Variants in GLTP observed in about 807,000 individuals in gnomAD.
GLTP encodes glycolipid transfer protein.
GLTP carries 22 observed loss-of-function variants against 24.0 expected under a neutral mutation model. That is an observed-to-expected ratio of 0.92 (90% CI 0.65 to 1.31). The LOEUF (loss-of-function observed/expected upper bound fraction) is 1.31. GLTP is among the 50% of genes most tolerant of loss of function. The pLI is 0.00. For missense variants in GLTP, 224 were observed against 276.6 expected (o/e 0.81, Z 1.35); for synonymous variants, 92 against 115.9 (o/e 0.79, Z 1.33).
Position 109,870,542 on chromosome 12 carries a change from TATC to T in GLTP, c.103+9727_103+9729del, listed in dbSNP as rs1275100588. 2.6e-5 allele frequency among the ~76,000 whole-genome samples: 4 copies of T among 152,260 alleles called. No individual in the cohort carries two copies. In the Middle Eastern group the frequency reaches 0.01, roughly 388 times the overall value. On this transcript the variant is annotated intron_variant, in intron 1 of 4. Transcript: ENST00000318348. Reference sequence around the variant, plus strand: ...CATTTATGCTTATTATTATAAATTATATCATCATCACCTTTCCCAACAGACAAA... The same window carrying T: ...CATTTATGCTTATTATTATAAATTATATCATCACCTTTCCCAACAGACAAA...
At chr12:109,872,607 C>T (rs895132795) in intron 1 of GLTP, among the ~76,000 whole-genome samples, 5 of 152,198 alleles carry the variant, frequency 3.3e-5, no homozygotes, top group Middle Eastern at 3.2e-3. Flanking sequence ...TGGGACCCAC[C>T]AGCACGGCAC....
chr12:109,861,464 C>T (rs1480780510), intron 1 of GLTP, among the ~76,000 whole-genome samples: 2 of 152,050 alleles, frequency 1.3e-5, no homozygotes, highest in African/African-American at 4.8e-5. Context: ...AAATAAGGCA[C>T]CGAGGCCAGG....
intron 1 of GLTP, among the ~76,000 whole-genome samples, chr12:109,878,525 A>G (rs1351826411): frequency 1.3e-5 from 2 of 151,516 alleles, no homozygotes; most frequent in Non-Finnish European, 2.9e-5. Context: ...ACTGGCTTAA[A>G]TGGATTCTGA....
intron 1 of GLTP, among the ~76,000 whole-genome samples, chr12:109,868,348 G>A (rs1453700108): frequency 1.3e-5 from 2 of 152,142 alleles, no homozygotes; most frequent in East Asian, 3.9e-4. Context: ...GAGTTGGACA[G>A]TACTGGTCGT....
intron 1 of GLTP, among the ~76,000 whole-genome samples, chr12:109,865,845 C>G (rs1868510511): frequency 6.6e-6 from 1 of 152,212 alleles, no homozygotes; most frequent in Non-Finnish European, 1.5e-5. Context: ...TTATCTGGAA[C>G]AGCTGGCAAA....
intron 1 of GLTP, among the ~76,000 whole-genome samples, chr12:109,861,832 A>G (rs1385519203): frequency 1.3e-5 from 2 of 152,106 alleles, no homozygotes; most frequent in African/African-American, 4.8e-5. Flanking sequence ...CATTTTTATG[A>G]CCTCATATCA....
intron 1 of GLTP, among the ~76,000 whole-genome samples, chr12:109,867,864 G>A (rs1437992749): frequency 6.7e-6 from 1 of 149,758 alleles, no homozygotes; most frequent in Non-Finnish European, 1.5e-5. Flanking sequence ...TGCAAGCTCC[G>A]CCTTCTGGGT....
intron 1 of GLTP, among the ~76,000 whole-genome samples, chr12:109,864,609 C>T (rs1482865121): frequency 6.6e-6 from 1 of 152,170 alleles, no homozygotes; most frequent in Non-Finnish European, 1.5e-5. Flanking sequence ...CACAGAAAAG[C>T]CAAATGACTT....
At chr12:109,874,964 T>C (rs946068302) in intron 1 of GLTP, among the ~76,000 whole-genome samples, 1 of 152,072 alleles carries the variant, frequency 6.6e-6, no homozygotes, top group African/African-American at 2.4e-5. Context: ...AGTTTCTCCA[T>C]GTTGGTCAGG....
At chr12:109,863,962 A>G (rs2136045673) in intron 1 of GLTP, among the ~76,000 whole-genome samples, 1 of 152,376 alleles carries the variant, frequency 6.6e-6, no homozygotes, top group African/African-American at 2.4e-5. Flanking sequence ...AGTTCTGAGC[A>G]GCCCTGCCCT....
intron 1 of GLTP, among the ~76,000 whole-genome samples, chr12:109,876,533 G>A (rs565097439): frequency 7.2e-6 from 1 of 138,294 alleles, no homozygotes; most frequent in Non-Finnish European, 1.5e-5. Flanking sequence ...AGGGAGGGAA[G>A]AAAGGAAGAA....
Position 109,858,683 on chromosome 12 carries a change from C to T in GLTP, c.162G>A (p.Thr54=), listed in dbSNP as rs755066428. The T allele has an allele frequency of 5.6e-6, 9 of 1,611,454 alleles. No individual in the cohort carries two copies. The highest frequency in any genetic ancestry group is 3.3e-5 in the Admixed American group (2 of 59,990). The part of the protein sequence containing the change: ...PIKADISGNI[T]KIKAVYDTNP... ...TGTGGCTGCCCGGCCAGGTACATAC[C>T]GTGATGTTGCCGCTTATGTCTGCCT... The change falls in exon 2 of 5, where the codon ACG becomes ACA. Residue 54 remains threonine (T), a splice_region_variant and synonymous_variant. Transcript: ENST00000318348.
chr12:109,880,209 GGGGAAGGAGGATTCGGGTGCGCGT>G lies in GLTP; in HGVS notation c.103+39_103+62del. On this transcript the variant is annotated intron_variant, in intron 1 of 4. Transcript: ENST00000318348. This position sits in a 1 kb window ranked among gnomAD's most constrained non-coding sequence, Gnocchi z 5.1. ...GGCAGAGATGGTTAGGGGATGCTCG[GGGGAAGGAGGATTCGGGTGCGCGT>G]GGGGCTGCGGGCCGCCTCCCCCCTC... 1.0e-6 allele frequency: 1 copy of G among 971,180 alleles called. No individual in the cohort carries two copies. Among genetic ancestry groups the G allele is most frequent in the Non-Finnish European group, 1.6e-6 (1 of 626,388 alleles). 60.2% of individuals were successfully genotyped at this position (971,180 alleles called of 1,614,324 possible).
chr12:109,855,640 C>T lies in GLTP; in HGVS notation c.426G>A (p.Trp142Ter). ...TCACCTGGAAGATCTTCTGCACGAT[C>T]CAGCCATGGTACTTCTTGAGGGCCA... Reference protein sequence around the residue: ...YEMALKKYHGWIVQKIFQAAL... With the variant: ...YEMALKKYHG Residue 142 changes from tryptophan to a stop codon, truncating the protein, a stop_gained, in exon 4 of 5, where the codon TGG (tryptophan) becomes TGA (stop). Coordinates refer to ENST00000318348, the MANE Select transcript of GLTP (RefSeq NM_016433.4). LOFTEE classifies it high-confidence loss of function. This position sits in a 1 kb window ranked among gnomAD's most constrained non-coding sequence, Gnocchi z 4.1. The T allele has an allele frequency of 1.3e-6, 2 of 1,581,696 alleles. No individual in the cohort carries two copies. The highest frequency in any genetic ancestry group is 1.7e-6 in the Non-Finnish European group (2 of 1,163,878).
chr12:109,858,902 C>G (rs886606786), intron 1 of GLTP, among the ~76,000 whole-genome samples, 161 bp from the exon 2 acceptor site: 1 of 152,132 alleles, frequency 6.6e-6, no homozygotes, highest in African/African-American at 2.4e-5. Context: ...TGGGTGCAGC[C>G]CCCAGCTCTG....
At chr12:109,868,532 T>C (rs1385824340) in intron 1 of GLTP, among the ~76,000 whole-genome samples, 4 of 151,970 alleles carry the variant, frequency 2.6e-5, no homozygotes, top group South Asian at 2.1e-4. Context: ...TCAAGAACAA[T>C]GTTCAGGGAA....
intron 1 of GLTP, among the ~76,000 whole-genome samples, chr12:109,879,231 C>T (rs1721148325): frequency 6.6e-6 from 1 of 152,156 alleles, no homozygotes; most frequent in Admixed American, 6.5e-5. Context: ...TGGACTCTGC[C>T]CTGGGGGCTG....
At chr12:109,856,084 G>A (rs143447798) in intron 3 of GLTP, among the ~76,000 whole-genome samples, 1 of 152,180 alleles carries the variant, frequency 6.6e-6, no homozygotes, top group African/African-American at 2.4e-5. Context: ...CCCACAGGCT[G>A]GAACATGGTA....
At position 109,880,283 on chromosome 12, in the gene GLTP, G is replaced by C; in HGVS notation, c.92C>G (p.Pro31Arg). ...CCATTCCGGCTCACCGAAGAAGGGC[G>C]GCAGGTGGGACACCGCCTCGAGGAA... ...GPFLEAVSHL[P>R]PFFDCLGSPV... The change falls in exon 1 of 5, where the codon CCG becomes CGG. Residue 31 changes from proline (P) to arginine (R), a missense_variant. Transcript: ENST00000318348. The surrounding 1 kb of genome is among the most constrained non-coding windows in gnomAD (Gnocchi z 5.1). 2 of 1,596,572 alleles carry C rather than the reference G, an allele frequency of 1.3e-6. No homozygotes were observed. Among genetic ancestry groups the C allele is most frequent in the Non-Finnish European group, 1.7e-6 (2 of 1,169,770 alleles).
Sources: allele counts gnomAD v4.1 joint callset (sites outside exome capture counted in the v4.1 genomes callset), GRCh38; gene constraint gnomAD v4.1.1; non-coding constraint Gnocchi (gnomAD v3.1); transcripts MANE v1.5; gene names NCBI Gene and HGNC (gene_info 2026-07-23, HGNC 2026-07-21).